The following MFAP1 variants were observed in gnomAD, a reference collection of about 807,000 sequenced individuals.
MFAP1 encodes microfibrillar-associated protein 1.
Under a neutral mutation model 62.2 loss-of-function variants are expected in MFAP1, and 18 were observed. The ratio of observed to expected loss-of-function variants is 0.29; its 90% CI spans 0.20 to 0.43. MFAP1 has a LOEUF of 0.43. MFAP1 is among the 20% of genes least tolerant of loss of function. MFAP1 has a pLI of 1.00. For missense variants in MFAP1, 355 were observed against 559.7 expected (o/e 0.63, Z 3.69); for synonymous variants, 175 against 180.4 (o/e 0.97, Z 0.24).
intron 2 of MFAP1, among the ~76,000 whole-genome samples, chr15:43,816,411 A>AT (rs1390837951): frequency 6.6e-6 from 1 of 151,282 alleles, no homozygotes; most frequent in Non-Finnish European, 1.5e-5. Flanking sequence ...GGCCTGGCTA[A>AT]TTTTTTTGTA....
At chr15:43,810,339 C>G (rs1239747228) in intron 6 of MFAP1, among the ~76,000 whole-genome samples, 1 of 150,236 alleles carries the variant, frequency 6.7e-6, no homozygotes, top group African/African-American at 2.4e-5. Context: ...AGATTACCAT[C>G]ATTAATTAGA....
chr15:43,810,145 G>C, intron 6 of MFAP1: 1 of 439,706 alleles, frequency 2.3e-6, no homozygotes, highest in Non-Finnish European at 4.0e-6. Context: ...TAGCCCTTCT[G>C]ACGTTCAGAC....
At chr15:43,814,399 A>G (rs1257651301) in intron 4 of MFAP1, 102 bp downstream of exon 4, 4 of 1,335,164 alleles carry the variant, frequency 3.0e-6, no homozygotes, top group Non-Finnish European at 4.1e-6. Context: ...ACTTTCACTC[A>G]GCGTTTAGAT....
Position 43,814,498 on chromosome 15 carries a change from T to C in MFAP1, c.617+3A>G, listed in dbSNP as rs1372479443. 1.2e-6 allele frequency: 2 copies of C among 1,604,160 alleles called. No homozygotes were observed. Among genetic ancestry groups the C allele is most frequent in the Non-Finnish European group, 1.7e-6 (2 of 1,174,162 alleles). ...ATTCAGATCTGGCTTGTGAGATACT[T>C]ACTTTCGAATGAAGACTGGCTTAAG... On this transcript the variant is annotated splice_donor_region_variant and intron_variant, in intron 4 of 8. Coordinates refer to ENST00000267812, the MANE Select transcript of MFAP1 (RefSeq NM_005926.3).
chr15:43,815,239 G>A (rs554882848), intron 2 of MFAP1, among the ~76,000 whole-genome samples, 165 bp from the exon 3 acceptor site: 2 of 152,036 alleles, frequency 1.3e-5, no homozygotes, highest in African/African-American at 2.4e-5. Flanking sequence ...CAGTGCAGTG[G>A]TGCGATCTTG....
chr15:43,812,874 G>A (rs1373975559), intron 6 of MFAP1, 113 bp downstream of exon 6: 1 of 1,242,192 alleles, frequency 8.1e-7, no homozygotes, highest in Non-Finnish European at 1.1e-6. Flanking sequence ...AAAGCAACAA[G>A]AACTCTGAAG....
intron 1 of MFAP1, among the ~76,000 whole-genome samples, chr15:43,819,148 G>A (rs960748097): frequency 1.3e-5 from 2 of 152,084 alleles, no homozygotes; most frequent in Non-Finnish European, 2.9e-5. Flanking sequence ...AGCTGAGATC[G>A]TGCTACTGCA....
intron 1 of MFAP1, among the ~76,000 whole-genome samples, chr15:43,817,767 T>C (rs916061696): frequency 2.0e-5 from 3 of 152,188 alleles, no homozygotes; most frequent in South Asian, 2.1e-4. Context: ...CACAAATTCA[T>C]GGTATCCCAC....
chr15:43,813,211 A>G lies in MFAP1; in HGVS notation c.726+38T>C, dbSNP rs372598196. 11 of 1,613,818 alleles carry G rather than the reference A, an allele frequency of 6.8e-6. No homozygotes were observed. In the African/African-American group the frequency reaches 1.3e-4, roughly 20 times the overall value. On this transcript the variant is annotated intron_variant, in intron 5 of 8. Transcript: ENST00000267812. ...CTCCTCAGACAAACCTGATTACACT[A>G]TTTCTTGTACTCATTCCTTGCAACC...
At chr15:43,811,135 C>G (rs1043690928) in intron 6 of MFAP1, among the ~76,000 whole-genome samples, 1 of 150,780 alleles carries the variant, frequency 6.6e-6, no homozygotes, top group Non-Finnish European at 1.5e-5. Flanking sequence ...AGGCTGAGGG[C>G]CAGGCGTGGT....
At chr15:43,809,727 A>G (rs762115061) in intron 7 of MFAP1, 28 bp downstream of exon 7, 1 of 1,605,280 alleles carries the variant, frequency 6.2e-7, no homozygotes, top group Admixed American at 1.7e-5. Flanking sequence ...CTACTGCCCA[A>G]TTTTCTGACT....
At chr15:43,814,882 T>C in intron 3 of MFAP1, 63 bp downstream of exon 3, 2 of 1,593,698 alleles carry the variant, frequency 1.3e-6, no homozygotes, top group South Asian at 2.3e-5. Flanking sequence ...CTTCAACAAA[T>C]GAGCACTGGC....
chr15:43,809,760 A>G lies in MFAP1; in HGVS notation c.1042T>C (p.Phe348Leu). ...LQKYYHRGAFFMDEDEEVYKR... is the reference protein window; with the variant it reads ...LQKYYHRGAFLMDEDEEVYKR... ...ACTCTCTTTTCACTTCTTACCATGA[A>G]GAAGGCACCCCGGTGATAATACTTC... is the stretch of plus-strand genomic sequence containing the variant. Residue 348 changes from phenylalanine (F) to leucine (L), a missense_variant, in exon 7 of 9, where the codon TTC becomes CTC. By Grantham distance (22) the Phe-to-Leu change is conservative. Coordinates refer to ENST00000267812, the MANE Select transcript of MFAP1 (RefSeq NM_005926.3). 1 of 1,613,574 alleles carries G rather than the reference A, an allele frequency of 6.2e-7. No individual in the cohort carries two copies. The highest frequency in any genetic ancestry group is 1.1e-5 in the South Asian group (1 of 91,034).
rs763470693 is a variant in MFAP1 at position 43,809,746 on chromosome 15, A to C, written c.1047+9T>G. ...TGCCCAATTTTCTGACTCTCTTTTC[A>C]CTTCTTACCATGAAGAAGGCACCCC... is the stretch of plus-strand genomic sequence containing the variant. On this transcript the variant is annotated intron_variant, in intron 7 of 8. Transcript: ENST00000267812. The C allele has an allele frequency of 4.8e-5, 77 of 1,611,618 alleles. No homozygotes were observed. The highest frequency in any genetic ancestry group is 6.4e-5 in the Non-Finnish European group (75 of 1,178,294).
At chr15:43,820,312 A>G (rs2087459847) in intron 1 of MFAP1, among the ~76,000 whole-genome samples, 1 of 152,042 alleles carries the variant, frequency 6.6e-6, no homozygotes, top group Non-Finnish European at 1.5e-5. Flanking sequence ...GTAAGACTCC[A>G]TCTCAAAAAA....
intron 7 of MFAP1, among the ~76,000 whole-genome samples, chr15:43,806,021 C>T (rs574437187): frequency 6.7e-6 from 1 of 148,902 alleles, no homozygotes; most frequent in Non-Finnish European, 1.5e-5. Flanking sequence ...GCAGTGGGGT[C>T]ACTACTGCTC....
At chr15:43,807,146 T>A in intron 7 of MFAP1, among the ~76,000 whole-genome samples, 1 of 150,746 alleles carries the variant, frequency 6.6e-6, no homozygotes, top group East Asian at 2.0e-4. Context: ...AGGTCAGGAG[T>A]TCAAGACCAG....
chr15:43,823,619 A>G (rs2087480907), intron 1 of MFAP1, among the ~76,000 whole-genome samples: 2 of 151,172 alleles, frequency 1.3e-5, no homozygotes, highest in African/African-American at 4.9e-5. Flanking sequence ...TCAGGTGTTC[A>G]GCCCGCCTCA....
intron 4 of MFAP1, among the ~76,000 whole-genome samples, chr15:43,814,056 C>A (rs1249877083): frequency 6.6e-6 from 1 of 151,976 alleles, no homozygotes; most frequent in Non-Finnish European, 1.5e-5. Context: ...GAGTTCGAGA[C>A]CAGCCTGACC....
Sources: allele counts gnomAD v4.1 joint callset (sites outside exome capture counted in the v4.1 genomes callset), GRCh38; gene constraint gnomAD v4.1.1; transcripts MANE v1.5; gene names NCBI Gene and HGNC (gene_info 2026-07-23, HGNC 2026-07-21).